Variants in ZNF331 observed in about 807,000 individuals in gnomAD.
The protein encoded by ZNF331 is C2H2-like zinc finger protein rearranged in thyroid adenomas.
ZNF331 carries 2 observed loss-of-function variants against 7.0 expected under a neutral mutation model. The observed-to-expected ratio is 0.29, with a 90% CI of 0.12 to 0.90. The LOEUF (loss-of-function observed/expected upper bound fraction) is 0.90. Among genes scored for constraint, ZNF331 ranks in the 40% least tolerant of loss-of-function variants. ZNF331 has a pLI of 0.58. For synonymous variants in ZNF331, 196 were observed against 205.4 expected (o/e 0.95, Z 0.39); for missense variants, 432 against 587.7 (o/e 0.74, Z 2.74).
chr19:53,576,856 A>T lies in ZNF331; in HGVS notation c.296A>T (p.Tyr99Phe), dbSNP rs1387980508. The T allele has an allele frequency of 1.9e-6, 3 of 1,614,196 alleles. No individual in the cohort carries two copies. The highest frequency in any genetic ancestry group is 2.5e-6 in the Non-Finnish European group (3 of 1,180,050). ...LERPQRSRGR[Y>F]VNQMIINYVK... ...AGACCACAGCGCTCCAGAGGGAGGT[A>T]TGTCAATCAGATGATCATCAATTAT... Residue 99 changes from tyrosine (Y) to phenylalanine (F), a missense_variant, in exon 6 of 6, where the codon TAT (tyrosine) becomes TTT (phenylalanine). Transcript: ENST00000449416.
upstream of ZNF331, among the ~76,000 whole-genome samples, chr19:53,519,993 G>A (rs536194047): frequency 1.3e-5 from 2 of 152,296 alleles, no homozygotes; most frequent in East Asian, 3.9e-4. Context: ...TGCATGCTGG[G>A]AAATTTTTGA....
the ZNF331 span, among the ~76,000 whole-genome samples, chr19:53,505,337 G>A: frequency 2.0e-5 from 3 of 152,064 alleles, no homozygotes; most frequent in Non-Finnish European, 1.5e-5. Context: ...CCCCAGGTTG[G>A]AGTGCAATGG....
At chr19:53,525,453 C>T (rs1292704069) in intron 2 of ZNF331, among the ~76,000 whole-genome samples, 2 of 152,082 alleles carry the variant, frequency 1.3e-5, no homozygotes, top group African/African-American at 4.8e-5. Flanking sequence ...TTGTAGTTCT[C>T]CTTGAAGAGG....
At chr19:53,572,300 A>C (rs1275633484) in intron 5 of ZNF331, among the ~76,000 whole-genome samples, 1 of 152,058 alleles carries the variant, frequency 6.6e-6, no homozygotes, top group African/African-American at 2.4e-5. Context: ...ATCCCTGGAA[A>C]CTTATTTTTC....
chr19:53,566,929 C>T (rs1292909565), intron 3 of ZNF331, among the ~76,000 whole-genome samples: 1 of 152,022 alleles, frequency 6.6e-6, no homozygotes, highest in Admixed American at 6.6e-5. Flanking sequence ...CTCCTTCCCT[C>T]TCTCCTCCTC....
chr19:53,553,202 G>A (rs1033655452), intron 2 of ZNF331, among the ~76,000 whole-genome samples: 1 of 150,882 alleles, frequency 6.6e-6, no homozygotes, highest in African/African-American at 2.4e-5. Context: ...TCTTCTGCAA[G>A]ATTTTCATTT....
At chr19:53,570,614 C>A (rs1259368147) in intron 4 of ZNF331, among the ~76,000 whole-genome samples, 1 of 150,860 alleles carries the variant, frequency 6.6e-6, no homozygotes, top group Non-Finnish European at 1.5e-5. Context: ...CTCACCTCAA[C>A]CTCTGCCTCG....
At chr19:53,564,944 A>C (rs1375905221) in intron 3 of ZNF331, among the ~76,000 whole-genome samples, 2 of 152,148 alleles carry the variant, frequency 1.3e-5, no homozygotes, top group African/African-American at 4.8e-5. Flanking sequence ...CCTAGAAAAA[A>C]CTGATTTTTT....
intron 2 of ZNF331, among the ~76,000 whole-genome samples, chr19:53,527,863 A>G (rs76129209): frequency 6.6e-6 from 1 of 151,714 alleles, no homozygotes; most frequent in Admixed American, 6.6e-5. Flanking sequence ...ATTATCAAGA[A>G]AGCCTTTCAG....
At chr19:53,570,535 CT>C (rs913957435) in intron 4 of ZNF331, among the ~76,000 whole-genome samples, 31 of 147,464 alleles carry the variant, frequency 2.1e-4, no homozygotes, top group Non-Finnish European at 3.3e-4. Context: ...ACCGTATTTT[CT>C]TTTTTTTTTT....
the ZNF331 span, among the ~76,000 whole-genome samples, chr19:53,513,537 T>C: frequency 1.4e-4 from 21 of 152,132 alleles, no homozygotes; most frequent in Non-Finnish European, 2.5e-4. Context: ...TCACCACTTG[T>C]TACCTTTTGT....
chr19:53,527,959 C>A (rs2087370412), intron 2 of ZNF331, among the ~76,000 whole-genome samples: 1 of 152,192 alleles, frequency 6.6e-6, no homozygotes. Flanking sequence ...ACACAAGTAA[C>A]ATTTCCATGA....
At chr19:53,549,745 T>G (rs1346072598) in intron 2 of ZNF331, among the ~76,000 whole-genome samples, 4 of 151,812 alleles carry the variant, frequency 2.6e-5, no homozygotes, top group African/African-American at 7.3e-5. Context: ...TGTTTTCCAG[T>G]CTGTATTTTA....
At chr19:53,511,692 G>C in the ZNF331 span, among the ~76,000 whole-genome samples, 3 of 152,268 alleles carry the variant, frequency 2.0e-5, no homozygotes, top group East Asian at 3.9e-4. Context: ...GCAGGTGAGA[G>C]AGTGAAGAGA....
chr19:53,559,886 CAT>C (rs1010511466), intron 3 of ZNF331, among the ~76,000 whole-genome samples: 9 of 150,642 alleles, frequency 6.0e-5, no homozygotes, highest in African/African-American at 2.0e-4. Flanking sequence ...TATACACACA[CAT>C]GCCATACACA....
chr19:53,506,444 G>GTCTCTCTCTCTCTCTCTCTCTCTC, the ZNF331 span, among the ~76,000 whole-genome samples: 1 of 86,258 alleles, frequency 1.2e-5, no homozygotes, highest in African/African-American at 5.0e-5. Flanking sequence ...CTCTCTCTCT[G>GTCTCTCTCTCTCTCTCTCTCTCTC]TCTCTCTCTC....
chr19:53,536,924 C>T (rs539454131), upstream of ZNF331, among the ~76,000 whole-genome samples: 7 of 152,098 alleles, frequency 4.6e-5, no homozygotes, highest in African/African-American at 7.2e-5. Context: ...AACAAACAAA[C>T]AAAAAATTAT....
chr19:53,529,489 T>G (rs2087447228), intron 2 of ZNF331, among the ~76,000 whole-genome samples: 1 of 152,142 alleles, frequency 6.6e-6, no homozygotes, highest in Non-Finnish European at 1.5e-5. Flanking sequence ...GGTATTACAC[T>G]GTAGTTCAAT....
chr19:53,548,014 C>G lies in ZNF331; in HGVS notation c.-137-7831C>G, dbSNP rs1048116268. 5.1e-4 allele frequency among the ~76,000 whole-genome samples: 77 copies of G among 152,272 alleles called. 1 individual carries two copies. Among genetic ancestry groups the G allele is most frequent in the Middle Eastern group, 6.8e-3 (2 of 294 alleles). On this transcript the variant is annotated intron_variant, in intron 2 of 5. Coordinates refer to ENST00000449416, the MANE Select transcript of ZNF331 (RefSeq NM_001079906.2). ...GTGCAATGACAGTTCACTGCATCCT[C>G]CACCTCCTGGACCCAAGCAATCCTC...
Sources: gnomAD v4.1 joint callset for allele counts (sites outside exome capture counted in the v4.1 genomes callset) on GRCh38, gnomAD v4.1.1 for gene constraint, MANE v1.5 for transcripts, NCBI Gene and HGNC (gene_info 2026-07-23, HGNC 2026-07-21) for gene names.